Variants in NSMF observed in about 807,000 individuals in gnomAD.
NSMF encodes the protein nasal embryonic LHRH factor.
Under a neutral mutation model 71.0 loss-of-function variants are expected in NSMF, and 31 were observed. The observed-to-expected ratio is 0.44, with a 90% CI of 0.33 to 0.59. The LOEUF is 0.59. Ranked by LOEUF, NSMF falls within the 20% of genes least tolerant of loss-of-function variation. NSMF has a pLI of 0.04. For synonymous variants in NSMF, 345 were observed against 287.1 expected, an observed-to-expected ratio of 1.20 and a Z score of -2.04; for missense variants, 673 against 740.5, an observed-to-expected ratio of 0.91 and a Z score of 1.06.
intron 1 of NSMF, among the ~76,000 whole-genome samples, 197 bp downstream of exon 1, chr9:137,458,835 C>T (rs1831015584): frequency 6.6e-6 from 1 of 152,134 alleles, no homozygotes; most frequent in Non-Finnish European, 1.5e-5. Context: ...TGCGCTCGCC[C>T]ACCACGCGCT....
chr9:137,454,746 G>T, intron 6 of NSMF: 1 of 1,460,742 alleles, frequency 6.8e-7, no homozygotes, highest in Non-Finnish European at 9.1e-7. Flanking sequence ...CGGGACTTAC[G>T]CCCTGAGCCT....
intron 14 of NSMF, 85 bp from the exon 15 acceptor site, chr9:137,449,759 CT>C: frequency 7.3e-7 from 1 of 1,373,396 alleles, no homozygotes. Context: ...GGCCCACCCT[CT>C]TTTTTCAGAC....
At chr9:137,452,955 G>T in intron 9 of NSMF, 101 bp downstream of exon 9, 1 of 1,584,516 alleles carries the variant, frequency 6.3e-7, no homozygotes. Context: ...CCCCCAGGCA[G>T]CTGGAGAAGG....
chr9:137,447,865 G>C lies in NSMF; in HGVS notation c.*1529C>G, dbSNP rs1250367557. On this transcript the variant is annotated 3_prime_UTR_variant, in exon 16 of 16. Coordinates refer to ENST00000371475, the MANE Select transcript of NSMF (RefSeq NM_001130969.3). ...GGGCCCTGAGGACACCTGAGGTTGA[G>C]AGAGTGGCCCCCATCTGTGGCCACA... 6.6e-6 allele frequency: 1 copy of C among 152,136 alleles called. No homozygotes were observed. The highest frequency in any genetic ancestry group is 1.9e-4 in the East Asian group (1 of 5,162). The allele number at this position is 152,136 out of a possible 1,614,324, so 9.4% of individuals were successfully genotyped here.
In NSMF at chr9:137,459,027, C is replaced by A; in HGVS notation, c.71+5G>T. 1 of 1,284,974 alleles carries A rather than the reference C, an allele frequency of 7.8e-7. No homozygotes were observed. Among genetic ancestry groups the A allele is most frequent in the Non-Finnish European group, 9.8e-7 (1 of 1,017,474 alleles). 79.6% of individuals were successfully genotyped at this position (1,284,974 alleles called of 1,614,324 possible). A position where few individuals can be genotyped will look rare whatever the true frequency, so the allele number is the denominator to read the frequency against. ...GGTGCGGGAAGGCGGCCCCGCCGCA[C>A]TCACCGCACTTTGGCCGCCACCGAG... On this transcript the variant is annotated splice_donor_5th_base_variant and intron_variant, in intron 1 of 15. Transcript: ENST00000371475.
intron 12 of NSMF, among the ~76,000 whole-genome samples, 195 bp from the exon 13 acceptor site, chr9:137,450,450 G>A (rs1469166179): frequency 3.1e-4 from 13 of 41,834 alleles, no homozygotes; most frequent in East Asian, 1.5e-3. Flanking sequence ...TCCCCCCCAC[G>A]CCTCTTCCCC....
rs1394912870 is a variant in NSMF at position 137,453,939 on chromosome 9, C to G, written c.833-119G>C. The G allele has an allele frequency of 2.5e-6, 2 of 815,724 alleles. No homozygotes were observed. Among genetic ancestry groups the G allele is most frequent in the Non-Finnish European group, 4.0e-6 (2 of 504,536 alleles). The allele number at this position is 815,724 out of a possible 1,614,324, so 50.5% of individuals were successfully genotyped here. On this transcript the variant is annotated intron_variant, in intron 7 of 15. Coordinates refer to ENST00000371475, the MANE Select transcript of NSMF (RefSeq NM_001130969.3). The surrounding 1 kb of genome is among the most constrained non-coding windows in gnomAD (Gnocchi z 4.5). ...AGGAGGAAGCTAATGTGGGTGGGGT[C>G]TAAGGCACATGAAGCAGACACGGAC...
Position 137,454,484 on chromosome 9 carries a change from G to A in NSMF, c.780-41C>T, listed in dbSNP as rs1830731255. 7 of 1,549,540 alleles carry A rather than the reference G, an allele frequency of 4.5e-6. No homozygotes were observed. In the East Asian group the frequency reaches 7.3e-5, roughly 16 times the overall value. On this transcript the variant is annotated intron_variant, in intron 6 of 15. Transcript: ENST00000371475. ...AGGGGCTGAAGAGGGCCGTGAGAGG[G>A]TGACGGCAGCCCCTGCCCACCTAGC...
chr9:137,448,633 CT>C lies in NSMF; in HGVS notation c.*760del, dbSNP rs1012448123. 1 of 154,182 alleles carries C rather than the reference CT, an allele frequency of 6.5e-6. No homozygotes were observed. The highest frequency in any genetic ancestry group is 1.4e-5 in the Non-Finnish European group (1 of 69,466). 9.6% of individuals were successfully genotyped at this position (154,182 alleles called of 1,614,324 possible). On this transcript the variant is annotated 3_prime_UTR_variant, in exon 16 of 16. Coordinates refer to ENST00000371475, the MANE Select transcript of NSMF (RefSeq NM_001130969.3). This position sits in a 1 kb window ranked among gnomAD's most constrained non-coding sequence, Gnocchi z 5.3. ...AGCAGCAATGAGAGTGCTGGGTGGG[CT>C]TGGGGGGATGGGGAGCAGGCCCCAC...
In NSMF at chr9:137,449,287, C is replaced by T; in HGVS notation, c.*107G>A. The T allele has an allele frequency of 1.1e-6, 1 of 940,976 alleles. No homozygotes were observed. Among genetic ancestry groups the T allele is most frequent in the Non-Finnish European group, 1.7e-6 (1 of 597,676 alleles). 58.3% of individuals were successfully genotyped at this position (940,976 alleles called of 1,614,324 possible). On this transcript the variant is annotated 3_prime_UTR_variant, in exon 16 of 16. Coordinates refer to ENST00000371475, the MANE Select transcript of NSMF (RefSeq NM_001130969.3). ...CGTCTGAGGTGCCCTGAAGTGGCTCCAGGCGAGACCGGAGCCACACAGTCC... is the reference window on the plus strand; with the variant it reads ...CGTCTGAGGTGCCCTGAAGTGGCTCTAGGCGAGACCGGAGCCACACAGTCC...
chr9:137,449,569 C>CA, intron 15 of NSMF, 30 bp downstream of exon 15: 1 of 1,611,174 alleles, frequency 6.2e-7, no homozygotes. Flanking sequence ...GCAGTGGCTG[C>CA]AGAGCTTCGG....
Position 137,453,208 on chromosome 9 carries a change from G to A in NSMF, c.923-28C>T. The A allele has an allele frequency of 6.2e-7, 1 of 1,611,258 alleles. No individual in the cohort carries two copies. Among genetic ancestry groups the A allele is most frequent in the Non-Finnish European group, 8.5e-7 (1 of 1,179,722 alleles). ...GGGAAGCAAGAGGGTCACCAGGACAGCAGGCCCGGCAGCACCTCCTATCCT... is the reference window on the plus strand; with the variant it reads ...GGGAAGCAAGAGGGTCACCAGGACAACAGGCCCGGCAGCACCTCCTATCCT... On this transcript the variant is annotated intron_variant, in intron 8 of 15. Transcript: ENST00000371475. The surrounding 1 kb of genome is among the most constrained non-coding windows in gnomAD (Gnocchi z 4.5).
rs1410630164 is a variant in NSMF, at chr9:137,453,721, G to A, written c.922+10C>T. ...TGGGGAAGGTGGGCGGGCCTGTGCG[G>A]GGCACCTACTGTCTCGGGAGTCGTG... On this transcript the variant is annotated intron_variant, in intron 8 of 15. Transcript: ENST00000371475. The surrounding 1 kb of genome is among the most constrained non-coding windows in gnomAD (Gnocchi z 4.5). The A allele has an allele frequency of 8.1e-6, 13 of 1,595,986 alleles. No individual in the cohort carries two copies. The East Asian group carries it at 1.8e-4, about 22-fold the overall frequency.
chr9:137,449,176 G>A lies in NSMF; in HGVS notation c.*218C>T, dbSNP rs1400502261. On this transcript the variant is annotated 3_prime_UTR_variant, in exon 16 of 16. Coordinates refer to ENST00000371475, the MANE Select transcript of NSMF (RefSeq NM_001130969.3). ...CCGCTGAGCATCCACGGGCCACAGG[G>A]CGGGATCCTCCCGGCCCCCAGGGAC... is the stretch of plus-strand genomic sequence containing the variant. The A allele has an allele frequency of 2.0e-5, 12 of 602,894 alleles. No individual in the cohort carries two copies. The highest frequency in any genetic ancestry group is 3.3e-5 in the Non-Finnish European group (11 of 336,560). 37.3% of individuals were successfully genotyped at this position (602,894 alleles called of 1,614,324 possible).
rs780109023 is a variant in NSMF at position 137,453,044 on chromosome 9, G to A, written c.1047+12C>T. 7 of 1,612,080 alleles carry A rather than the reference G, an allele frequency of 4.3e-6. No homozygotes were observed. The highest frequency in any genetic ancestry group is 5.1e-6 in the Non-Finnish European group (6 of 1,179,892). The stretch of plus-strand genomic sequence containing the variant: ...CGGGGTGTAGAGGAGCACTGCCCGG[G>A]CTGGGCCTCACCATGACCTTTGGTG... On this transcript the variant is annotated intron_variant, in intron 9 of 15. Transcript: ENST00000371475. The surrounding 1 kb of genome is among the most constrained non-coding windows in gnomAD (Gnocchi z 4.5).
chr9:137,453,810 C>T lies in NSMF; in HGVS notation c.843G>A (p.Glu281=). The T allele has an allele frequency of 4.4e-6, 7 of 1,592,348 alleles. No individual in the cohort carries two copies. Among genetic ancestry groups the T allele is most frequent in the Non-Finnish European group, 6.0e-6 (7 of 1,175,974 alleles). Residue 281 remains glutamate, a synonymous_variant, in exon 8 of 16, where the codon GAG becomes GAA. Coordinates refer to ENST00000371475, the MANE Select transcript of NSMF (RefSeq NM_001130969.3). This position sits in a 1 kb window ranked among gnomAD's most constrained non-coding sequence, Gnocchi z 4.5. Reference sequence around the variant, plus strand: ...ACCGGCTGAAGCTCCGCTCGCGCCGCTCAGCGAACGCTGCAGAGAGCAAAA... The same window carrying T: ...ACCGGCTGAAGCTCCGCTCGCGCCGTTCAGCGAACGCTGCAGAGAGCAAAA... ...SRRVKAQTFA[E]RRERSFSRSW... is the part of the protein sequence containing the mutation.
Position 137,453,608 on chromosome 9 carries a change from G to A in NSMF, c.922+123C>T, listed in dbSNP as rs1198644619. ...TGAGGGCGTCCCCATCTCACAAACA[G>A]GTAAACCAAGATTCAGGAGTGCAAA... On this transcript the variant is annotated intron_variant, in intron 8 of 15. Transcript: ENST00000371475. This position sits in a 1 kb window ranked among gnomAD's most constrained non-coding sequence, Gnocchi z 4.5. The A allele has an allele frequency of 9.5e-6, 7 of 735,238 alleles. No homozygotes were observed. The highest frequency in any genetic ancestry group is 7.1e-5 in the African/African-American group (4 of 56,234). The allele number at this position is 735,238 out of a possible 1,614,324, so 45.5% of individuals were successfully genotyped here. A position where few individuals can be genotyped will look rare whatever the true frequency, so the allele number is the denominator to read the frequency against.
chr9:137,449,047 T>C lies in NSMF; in HGVS notation c.*347A>G, dbSNP rs1414880945. 7.0e-6 allele frequency: 3 copies of C among 428,326 alleles called. No homozygotes were observed. The highest frequency in any genetic ancestry group is 3.6e-5 in the Admixed American group (1 of 27,872). 26.5% of individuals were successfully genotyped at this position (428,326 alleles called of 1,614,324 possible). Reference sequence around the variant, plus strand: ...AGTTAACAAGAAATGCTGCTTCCCTTTGAATTGTTTCGGGGGTGTAGAAAT... The same window carrying C: ...AGTTAACAAGAAATGCTGCTTCCCTCTGAATTGTTTCGGGGGTGTAGAAAT... On this transcript the variant is annotated 3_prime_UTR_variant, in exon 16 of 16. Coordinates refer to ENST00000371475, the MANE Select transcript of NSMF (RefSeq NM_001130969.3).
intron 2 of NSMF, 23 bp from the exon 3 acceptor site, chr9:137,457,924 C>G: frequency 6.5e-7 from 1 of 1,538,054 alleles, no homozygotes; most frequent in East Asian, 2.4e-5. Flanking sequence ...CTGAGTGAGC[C>G]TGCCTGCCGC....
Sources: allele counts gnomAD v4.1 joint callset (sites outside exome capture counted in the v4.1 genomes callset), GRCh38; gene constraint gnomAD v4.1.1; non-coding constraint Gnocchi (gnomAD v3.1); transcripts MANE v1.5; gene names NCBI Gene and HGNC (gene_info 2026-07-23, HGNC 2026-07-21).